Variants in CNTN3 observed in about 807,000 individuals in gnomAD.
CNTN3 encodes contactin-3.
CNTN3 carries 60 observed loss-of-function variants against 119.1 expected under a neutral mutation model. The ratio of observed to expected loss-of-function variants is 0.50; its 90% CI spans 0.41 to 0.62. The LOEUF (loss-of-function observed/expected upper bound fraction) is 0.62. Ranked by LOEUF, CNTN3 falls within the 20% of genes least tolerant of loss-of-function variation. The probability of loss-of-function intolerance (pLI) is 0.00; values close to 1 mark genes in which losing one functional copy is unlikely to be tolerated. For missense variants in CNTN3, 1,101 were observed against 1,242.4 expected (o/e 0.89, Z 1.71); for synonymous variants, 450 against 438.7 (o/e 1.03, Z -0.32).
intron 1 of CNTN3, among the ~76,000 whole-genome samples, chr3:74,536,490 A>G (rs919429245): frequency 6.6e-6 from 1 of 152,104 alleles, no homozygotes; most frequent in Non-Finnish European, 1.5e-5. Context: ...CCCAAGACAG[A>G]TTTAGGAGAC....
At chr3:74,360,390 G>A (rs1704049601) in intron 11 of CNTN3, among the ~76,000 whole-genome samples, 1 of 152,090 alleles carries the variant, frequency 6.6e-6, no homozygotes, top group Admixed American at 6.6e-5. Flanking sequence ...TTATATCCTA[G>A]AGTCAAACAG....
chr3:74,474,341 C>T (rs193166221), intron 4 of CNTN3, among the ~76,000 whole-genome samples: 1 of 152,004 alleles, frequency 6.6e-6, no homozygotes, highest in Non-Finnish European at 1.5e-5. Context: ...AGTTTATGGG[C>T]AAAATCAAAA....
In CNTN3 at chr3:74,499,652, A is replaced by G. The variant is rs1332747498; in HGVS notation, c.182+7T>C. On this transcript the variant is annotated splice_region_variant and intron_variant, in intron 3 of 22. Transcript: ENST00000263665. ...TTTTATTTGAATTTTCAAACTTTTC[A>G]CTGTACCTGTAATGAGGTGATGGAT... 1 of 1,589,582 alleles carries G rather than the reference A, an allele frequency of 6.3e-7. No individual in the cohort carries two copies. The highest frequency in any genetic ancestry group is 2.2e-5 in the East Asian group (1 of 44,580).
chr3:74,292,704 C>T (rs550062915), intron 19 of CNTN3, among the ~76,000 whole-genome samples: 11 of 152,296 alleles, frequency 7.2e-5, no homozygotes, highest in Admixed American at 3.9e-4. Flanking sequence ...GTGAGGAAAA[C>T]GAGGATCACA....
chr3:74,298,024 C>T lies in CNTN3; in HGVS notation c.2334G>A (p.Val778=), dbSNP rs141569409. 6.2e-7 allele frequency: 1 copy of T among 1,613,952 alleles called. No individual in the cohort carries two copies. Among genetic ancestry groups the T allele is most frequent in the African/African-American group, 1.3e-5 (1 of 74,910 alleles). The stretch of plus-strand genomic sequence containing the variant: ...CTTCACCTTTGTTATTATAAACACC[C>T]ACTTTAACTTCATATGGTGAATATG... ...IVPYSPYEVK[V]GVYNNKGEGP... is the part of the protein sequence containing the mutation. The change falls in exon 18 of 23, where the codon GTG becomes GTA. Residue 778 remains valine (V), a synonymous_variant. Coordinates refer to ENST00000263665, the MANE Select transcript of CNTN3 (RefSeq NM_020872.3).
Position 74,521,073 on chromosome 3 carries a change from T to G in CNTN3, c.40A>C (p.Ile14Leu). The change falls in exon 2 of 23, where the codon ATT becomes CTT. Residue 14 changes from isoleucine to leucine, a missense_variant. Ile to Leu is a conservative substitution (Grantham distance 5, BLOSUM62 2). Transcript: ENST00000263665. ...TTTTTTTTACCTCCTAAGCAGCCAA[T>G]GAATGAAAGCAGGATCAACTGTTTC... ...PWKQLILLSF[I>L]GCLGGELLLQ... The G allele has an allele frequency of 2.5e-6, 4 of 1,600,780 alleles. No homozygotes were observed. Among genetic ancestry groups the G allele is most frequent in the Non-Finnish European group, 3.4e-6 (4 of 1,172,424 alleles).
intron 2 of CNTN3, 100 bp downstream of exon 2, chr3:74,520,958 G>T: frequency 1.8e-6 from 1 of 560,236 alleles, no homozygotes; most frequent in Non-Finnish European, 3.0e-6. Context: ...GTTTTTCTTT[G>T]CTACTGGTGG....
intron 1 of CNTN3, among the ~76,000 whole-genome samples, chr3:74,525,374 T>C (rs1703604730): frequency 6.6e-6 from 1 of 151,926 alleles, no homozygotes; most frequent in Non-Finnish European, 1.5e-5. Context: ...TAATCAATGT[T>C]AAAGTAGGAC....
chr3:74,430,552 G>A (rs1054530243), intron 4 of CNTN3, among the ~76,000 whole-genome samples: 1 of 152,044 alleles, frequency 6.6e-6, no homozygotes. Context: ...AGACCAGCCT[G>A]GGCAATAGTG....
At chr3:74,412,224 C>A (rs1205288479) in intron 5 of CNTN3, among the ~76,000 whole-genome samples, 1 of 152,122 alleles carries the variant, frequency 6.6e-6, no homozygotes, top group Non-Finnish European at 1.5e-5. Flanking sequence ...GTAATAGAAT[C>A]TCACTCTTTA....
intron 2 of CNTN3, among the ~76,000 whole-genome samples, chr3:74,509,900 T>A (rs1048727633): frequency 2.6e-5 from 4 of 152,114 alleles, no homozygotes; most frequent in East Asian, 1.9e-4. Flanking sequence ...TCCTATAATA[T>A]ATTACATGTA....
At chr3:74,501,760 T>C (rs974898914) in intron 2 of CNTN3, among the ~76,000 whole-genome samples, 3 of 146,742 alleles carry the variant, frequency 2.0e-5, no homozygotes, top group Admixed American at 7.0e-5. Flanking sequence ...ACCTGATCAT[T>C]ACTTTCATCT....
chr3:74,588,048 C>A (rs7642346), intron 1 of CNTN3, among the ~76,000 whole-genome samples: 2 of 151,808 alleles, frequency 1.3e-5, no homozygotes, highest in Non-Finnish European at 2.9e-5. Context: ...TCTATTGAGA[C>A]AATCATGTGG....
chr3:74,449,071 C>T (rs952619234), intron 4 of CNTN3, among the ~76,000 whole-genome samples: 2 of 151,936 alleles, frequency 1.3e-5, no homozygotes, highest in Non-Finnish European at 2.9e-5. Context: ...TGTGCTTGTC[C>T]TATTTTATAT....
chr3:74,302,100 T>A (rs1702471849), intron 14 of CNTN3, among the ~76,000 whole-genome samples: 1 of 152,192 alleles, frequency 6.6e-6, no homozygotes, highest in South Asian at 2.1e-4. Flanking sequence ...TCAGCAGGAT[T>A]CCTGTACCTT....
chr3:74,314,289 A>G (rs1400574314), intron 13 of CNTN3, among the ~76,000 whole-genome samples: 2 of 152,240 alleles, frequency 1.3e-5, no homozygotes, highest in Non-Finnish European at 2.9e-5. Flanking sequence ...AAGAAATATG[A>G]TAGAAATTAA....
chr3:74,446,484 A>T (rs1702050365), intron 4 of CNTN3, among the ~76,000 whole-genome samples: 1 of 152,164 alleles, frequency 6.6e-6, no homozygotes, highest in African/African-American at 2.4e-5. Flanking sequence ...GCTGTCCAGT[A>T]AAGCAGCCAC....
chr3:74,579,763 T>C (rs1160712720), intron 1 of CNTN3, among the ~76,000 whole-genome samples: 1 of 151,840 alleles, frequency 6.6e-6, no homozygotes, highest in Non-Finnish European at 1.5e-5. Flanking sequence ...AGTGGAAGCG[T>C]TGTTAAAAAG....
intron 4 of CNTN3, among the ~76,000 whole-genome samples, chr3:74,453,693 C>T (rs1441188191): frequency 1.3e-5 from 2 of 150,402 alleles, no homozygotes; most frequent in Non-Finnish European, 3.0e-5. Flanking sequence ...TTGAATGTGT[C>T]CCAGAGATTC....
Sources: allele counts gnomAD v4.1 joint callset (sites outside exome capture counted in the v4.1 genomes callset), GRCh38; gene constraint gnomAD v4.1.1; transcripts MANE v1.5; gene names NCBI Gene and HGNC (gene_info 2026-07-23, HGNC 2026-07-21).